ATP2C2: variants seen among roughly 807,000 people sequenced by gnomAD.
The protein encoded by ATP2C2 is ATPase secretory pathway Ca2+ transporting 2, also known as calcium-transporting ATPase type 2C member 2.
A neutral mutation model predicts 110.8 loss-of-function variants in ATP2C2; 171 were observed. That is an observed-to-expected ratio of 1.54 (90% confidence interval 1.36 to 1.75). ATP2C2 has a LOEUF of 1.75. ATP2C2 is among the 40% of genes most tolerant of loss of function. The pLI, the probability that ATP2C2 is intolerant of heterozygous loss-of-function variation, is 0.00. For missense variants in ATP2C2, 1,963 were observed against 1,235.0 expected, an observed-to-expected ratio of 1.59 and a Z score of -8.84; for synonymous variants, 804 against 508.4, an observed-to-expected ratio of 1.58 and a Z score of -7.82.
chr16:84,454,370 T>C (rs1029191366), intron 20 of ATP2C2, among the ~76,000 whole-genome samples: 21 of 152,342 alleles, frequency 1.4e-4, no homozygotes, highest in African/African-American at 4.3e-4. Flanking sequence ...TGAGCTCTTT[T>C]AGTAGACGGG....
chr16:84,440,323 A>G (rs1401010828), intron 13 of ATP2C2, among the ~76,000 whole-genome samples: 1 of 152,186 alleles, frequency 6.6e-6, no homozygotes, highest in East Asian at 1.9e-4. Context: ...CTGAATGTGC[A>G]ATTTTTTTAT....
At chr16:84,385,210 G>A (rs999933959) in intron 1 of ATP2C2, among the ~76,000 whole-genome samples, 1 of 152,180 alleles carries the variant, frequency 6.6e-6, no homozygotes, top group Non-Finnish European at 1.5e-5. Context: ...CAAAGGAGGA[G>A]TGAAGTGTCT....
chr16:84,434,037 G>T (rs528531806), intron 11 of ATP2C2, among the ~76,000 whole-genome samples: 131 of 152,298 alleles, frequency 8.6e-4, no homozygotes, highest in African/African-American at 2.4e-3. Context: ...GAGTCAGAAG[G>T]TGGAGATGGC....
chr16:84,442,006 C>T (rs934091749), intron 14 of ATP2C2, among the ~76,000 whole-genome samples: 2 of 152,052 alleles, frequency 1.3e-5, no homozygotes, highest in African/African-American at 2.4e-5. Flanking sequence ...AGAAGTAATG[C>T]GAGTGTCCAG....
chr16:84,460,915 A>C, intron 24 of ATP2C2, 114 bp downstream of exon 24: 2 of 1,368,120 alleles, frequency 1.5e-6, no homozygotes, highest in Non-Finnish European at 2.0e-6. Flanking sequence ...AAACATGTAC[A>C]CACACCGGAC....
At chr16:84,393,145 G>A (rs892936874) in intron 1 of ATP2C2, among the ~76,000 whole-genome samples, 2 of 152,180 alleles carry the variant, frequency 1.3e-5, no homozygotes, top group Non-Finnish European at 1.5e-5. Context: ...GATGGGGGCC[G>A]TACCAGAGTC....
At chr16:84,392,086 A>G (rs1161916843) in intron 1 of ATP2C2, among the ~76,000 whole-genome samples, 1 of 152,046 alleles carries the variant, frequency 6.6e-6, no homozygotes, top group African/African-American at 2.4e-5. Context: ...GGAGAATTCC[A>G]ATCATATGCA....
At chr16:84,412,484 ATGTG>A (rs71151211) in intron 6 of ATP2C2, among the ~76,000 whole-genome samples, 20,679 of 129,614 alleles carry the variant, frequency 0.16, 1,534 homozygotes, top group Non-Finnish European at 0.18. Flanking sequence ...GTGCATGTGT[ATGTG>A]TGCATGTGTG....
intron 2 of ATP2C2, among the ~76,000 whole-genome samples, chr16:84,402,547 A>G (rs1281981036): frequency 6.6e-6 from 1 of 152,182 alleles, no homozygotes; most frequent in Non-Finnish European, 1.5e-5. Context: ...TTTCAGCATT[A>G]ATTGAAATGA....
intron 24 of ATP2C2, chr16:84,461,195 C>T: frequency 4.0e-6 from 1 of 252,770 alleles, no homozygotes; most frequent in South Asian, 7.2e-5. Context: ...GTCACCTTTT[C>T]ATGGCCTGCA....
intron 17 of ATP2C2, among the ~76,000 whole-genome samples, chr16:84,450,147 C>A (rs1383059435): frequency 6.6e-6 from 1 of 152,202 alleles, no homozygotes; most frequent in African/African-American, 2.4e-5. Context: ...TTCCTGTCTT[C>A]CCCCAGTGTA....
chr16:84,426,443 C>CT (rs2150550296), intron 11 of ATP2C2, among the ~76,000 whole-genome samples: 1 of 152,254 alleles, frequency 6.6e-6, no homozygotes, highest in South Asian at 2.1e-4. Context: ...TATCAGCTTT[C>CT]TTGTCACTCT....
At chr16:84,394,143 C>T (rs1904833707) in intron 1 of ATP2C2, among the ~76,000 whole-genome samples, 1 of 151,986 alleles carries the variant, frequency 6.6e-6, no homozygotes, top group African/African-American at 2.4e-5. Flanking sequence ...AAGATCACAC[C>T]ACTGCACTCC....
chr16:84,406,326 G>T (rs1905763749), intron 3 of ATP2C2, among the ~76,000 whole-genome samples: 1 of 152,248 alleles, frequency 6.6e-6, no homozygotes. Flanking sequence ...AAGGCTCAGT[G>T]AACAGGCAGA....
intron 1 of ATP2C2, among the ~76,000 whole-genome samples, chr16:84,389,883 G>T (rs570302716): frequency 1.3e-5 from 2 of 152,170 alleles, no homozygotes; most frequent in Admixed American, 6.5e-5. Context: ...ATCACGTTTG[G>T]CTAACTTTTT....
At chr16:84,438,706 G>C (rs954722367) in intron 11 of ATP2C2, among the ~76,000 whole-genome samples, 25 of 152,066 alleles carry the variant, frequency 1.6e-4, no homozygotes, top group Admixed American at 7.2e-4. Context: ...TCCTTGTCTG[G>C]CTTCCTCATA....
intron 1 of ATP2C2, among the ~76,000 whole-genome samples, chr16:84,371,551 A>G (rs1259250938): frequency 6.6e-6 from 1 of 152,202 alleles, no homozygotes; most frequent in Non-Finnish European, 1.5e-5. Flanking sequence ...TCCTTAATTT[A>G]GTTACTAGAA....
chr16:84,443,803 C>CG (rs1567729598), intron 15 of ATP2C2, among the ~76,000 whole-genome samples: 1 of 152,108 alleles, frequency 6.6e-6, no homozygotes, highest in Non-Finnish European at 1.5e-5. Flanking sequence ...TGGTGCTGGG[C>CG]GGGGGAGAGG....
At chr16:84,448,761 G>C (rs1000689125) in intron 17 of ATP2C2, 72 bp downstream of exon 17, 4 of 1,535,418 alleles carry the variant, frequency 2.6e-6, no homozygotes, top group Non-Finnish European at 3.5e-6. Flanking sequence ...CATTCAAGCA[G>C]GGTCCCTAGT....
Sources: allele counts gnomAD v4.1 joint callset (sites outside exome capture counted in the v4.1 genomes callset), GRCh38; gene constraint gnomAD v4.1.1; transcripts MANE v1.5; gene names NCBI Gene and HGNC (gene_info 2026-07-23, HGNC 2026-07-21).